The following ASPM variants were observed in gnomAD, a reference collection of about 807,000 sequenced individuals.
ASPM encodes assembly factor for spindle microtubules, also known as abnormal spindle-like microcephaly-associated protein.
ASPM carries 256 observed loss-of-function variants against 366.4 expected under a neutral mutation model. That is an observed-to-expected ratio of 0.70 (90% CI 0.63 to 0.77). ASPM has a LOEUF of 0.77. ASPM is among the 30% of genes least tolerant of loss of function. The pLI, the probability that ASPM is intolerant of heterozygous loss-of-function variation, is 0.00. For missense variants in ASPM, 4,146 were observed against 4,090.4 expected (o/e 1.01, Z -0.37); for synonymous variants, 1,414 against 1,342.9 (o/e 1.05, Z -1.16).
At chr1:197,138,629 C>T in intron 4 of ASPM, 1 of 478,472 alleles carries the variant, frequency 2.1e-6, no homozygotes, top group Non-Finnish European at 3.8e-6. Context: ...GGAAAATATA[C>T]AATAAGCAAG....
chr1:197,130,010 G>A lies in ASPM; in HGVS notation c.2534C>T (p.Thr845Ile). Residue 845 changes from threonine (T) to isoleucine (I), a missense_variant, in exon 8 of 28, where the codon ACA becomes ATA. By Grantham distance (89) the Thr-to-Ile change is moderately conservative (BLOSUM62 -1). Coordinates refer to ENST00000367409, the MANE Select transcript of ASPM (RefSeq NM_018136.5). The stretch of plus-strand genomic sequence containing the variant: ...ATTCAGAATAAACATAGCCAACCCT[G>A]TGACATCACTGTTATCTTCCAAAGA... ...LISLEDNSDV[T>I]GLAMFILNRL... The A allele has an allele frequency of 6.2e-7, 1 of 1,614,002 alleles. No homozygotes were observed. Among genetic ancestry groups the A allele is most frequent in the East Asian group, 2.2e-5 (1 of 44,852 alleles).
chr1:197,144,698 C>T (rs764711726), intron 1 of ASPM, among the ~76,000 whole-genome samples: 40 of 152,256 alleles, frequency 2.6e-4, no homozygotes, highest in Non-Finnish European at 5.0e-4. Flanking sequence ...GCCAAAGTCA[C>T]GCAGGTACCT....
intron 20 of ASPM, 113 bp from the exon 21 acceptor site, chr1:197,093,374 A>C (rs1000263017): frequency 1.2e-5 from 11 of 883,692 alleles, no homozygotes; most frequent in Non-Finnish European, 2.0e-5. Context: ...TTATAGTCTA[A>C]GAATGCCATG....
intron 17 of ASPM, among the ~76,000 whole-genome samples, chr1:197,116,513 C>T (rs1228042366): frequency 2.0e-5 from 3 of 152,178 alleles, no homozygotes; most frequent in East Asian, 3.9e-4. Context: ...ACCTTCAGTT[C>T]GTAAAACACT....
At chr1:197,124,366 T>G (rs369438305) in intron 12 of ASPM, 35 bp from the exon 13 acceptor site, 68 of 1,355,940 alleles carry the variant, frequency 5.0e-5, no homozygotes, top group Non-Finnish European at 6.6e-5. Context: ...AATACCTTCA[T>G]ATTTTCCATA....
Position 197,088,243 on chromosome 1 carries a change from G to T in ASPM, c.10161+13C>A. The T allele has an allele frequency of 6.2e-7, 1 of 1,610,664 alleles. No individual in the cohort carries two copies. Among genetic ancestry groups the T allele is most frequent in the Non-Finnish European group, 8.5e-7 (1 of 1,177,656 alleles). On this transcript the variant is annotated intron_variant, in intron 26 of 27. Coordinates refer to ENST00000367409, the MANE Select transcript of ASPM (RefSeq NM_018136.5). ...AAAATAATCTTAAAGAAAGGCAACT[G>T]ACTAATACTTACAGAGGCTCTATTT...
At position 197,118,124 on chromosome 1, in the gene ASPM, G is replaced by C. The variant is rs1417991537; in HGVS notation, c.3871-141C>G. ...CCCTACACTTCTTGTGTTCATCTTT[G>C]GAATACTGATAATTCCAGGCATGTC... is the stretch of plus-strand genomic sequence containing the variant. On this transcript the variant is annotated intron_variant, in intron 16 of 27. Coordinates refer to ENST00000367409, the MANE Select transcript of ASPM (RefSeq NM_018136.5). 6.2e-6 allele frequency: 5 copies of C among 807,344 alleles called. No homozygotes were observed. The East Asian group carries it at 1.3e-4, about 21-fold the overall frequency. 50.0% of individuals were successfully genotyped at this position (807,344 alleles called of 1,614,324 possible). A position where few individuals can be genotyped will look rare whatever the true frequency, so the allele number is the denominator to read the frequency against.
chr1:197,129,874 G>C (rs1658208832), intron 8 of ASPM, 41 bp downstream of exon 8: 1 of 1,589,996 alleles, frequency 6.3e-7, no homozygotes, highest in African/African-American at 1.3e-5. Flanking sequence ...AGCCATTCAT[G>C]TATAATGTGG....
At position 197,104,422 on chromosome 1, in the gene ASPM, A is replaced by G; in HGVS notation, c.4829T>C (p.Val1610Ala). ...QKYKKMKKAA[V>A]IIQTHFRAYI... ...AGCTCGGAAATGAGTCTGAATTATA[A>G]CAGCTGCTTTCTTCATCTTCTTATA... Residue 1610 changes from valine (V) to alanine (A), a missense_variant, in exon 18 of 28, where the codon GTT (valine) becomes GCT (alanine). By Grantham distance (64) the Val-to-Ala change is moderately conservative (BLOSUM62 0). This residue lies in a region of ASPM where 3,624 missense variants were observed against 3,591.7 expected (regional missense o/e 1.01). Coordinates refer to ENST00000367409, the MANE Select transcript of ASPM (RefSeq NM_018136.5). 1.2e-6 allele frequency: 2 copies of G among 1,613,042 alleles called. No individual in the cohort carries two copies. Among genetic ancestry groups the G allele is most frequent in the Non-Finnish European group, 1.7e-6 (2 of 1,179,410 alleles).
intron 4 of ASPM, among the ~76,000 whole-genome samples, chr1:197,135,623 C>CT (rs778898963): frequency 0.037 from 2,597 of 69,528 alleles, 39 homozygotes; most frequent in Non-Finnish European, 0.044. Flanking sequence ...AAATATCTGT[C>CT]TTTTTTTTTT....
rs761570995 is a variant in ASPM, at chr1:197,102,530, G to A, written c.6721C>T (p.His2241Tyr). Residue 2241 changes from histidine to tyrosine, a missense_variant, in exon 18 of 28, where the codon CAT becomes TAT. By Grantham distance (83) the His-to-Tyr change is moderately conservative. Transcript: ENST00000367409. ...ATAGCCTGAATGTATATTACAGAAT[G>A]CCTCAGTTTGTTATACCTTTGAAAT... ...IQFQRYNKLRHSVIYIQAIFR... is the reference protein window; with the variant it reads ...IQFQRYNKLRYSVIYIQAIFR... The A allele has an allele frequency of 3.1e-6, 5 of 1,612,472 alleles. No individual in the cohort carries two copies. The highest frequency in any genetic ancestry group is 3.4e-6 in the Non-Finnish European group (4 of 1,179,186).
chr1:197,142,673 C>G lies in ASPM; in HGVS notation c.1579G>C (p.Glu527Gln), dbSNP rs376058344. Residue 527 changes from glutamate (E) to glutamine (Q), a missense_variant, in exon 3 of 28, where the codon GAA (glutamate) becomes CAA (glutamine). By Grantham distance (29) the Glu-to-Gln change is conservative. This residue lies in a region of ASPM where 3,624 missense variants were observed against 3,591.7 expected (regional missense o/e 1.01). Transcript: ENST00000367409. ...TGATTATTTATTACTTTTTCATGTT[C>G]ACCCACTGCACTGTTGAGACATCTT... ...AKRCLNSAVGEHEKVINNQKE... is the reference protein window; with the variant it reads ...AKRCLNSAVGQHEKVINNQKE... 15 of 1,613,074 alleles carry G rather than the reference C, an allele frequency of 9.3e-6. No individual in the cohort carries two copies. In the African/African-American group the frequency reaches 1.5e-4, roughly 16 times the overall value.
In ASPM at chr1:197,105,129, T is replaced by G; in HGVS notation, c.4122A>C (p.Ser1374=). 1 of 1,608,870 alleles carries G rather than the reference T, an allele frequency of 6.2e-7. No homozygotes were observed. Among genetic ancestry groups the G allele is most frequent in the Middle Eastern group, 1.7e-4 (1 of 6,042 alleles). ...TTCTTATCCTAGATTGCAGGATGATTGAATAATATTTCAATTTCAGAAATC... is the reference window on the plus strand; with the variant it reads ...TTCTTATCCTAGATTGCAGGATGATGGAATAATATTTCAATTTCAGAAATC... ...RQRFLKLKYY[S]IILQSRIRMI... Residue 1374 remains serine (S), a synonymous_variant, in exon 18 of 28, where the codon TCA becomes TCC. Transcript: ENST00000367409.
rs772484224 is a variant in ASPM at position 197,094,194 on chromosome 1, A to G, written c.8988-14T>C. The G allele has an allele frequency of 1.3e-6, 2 of 1,527,012 alleles. No homozygotes were observed. The highest frequency in any genetic ancestry group is 3.4e-5 in the Admixed American group (2 of 58,848). The allele number at this position is 1,527,012 out of a possible 1,614,324, so 94.6% of individuals were successfully genotyped here. ...ACATTCAAAAACCTAAAAAGTAGTTATTGGAAAGCAATGTCAAATTACTTT... is the reference window on the plus strand; with the variant it reads ...ACATTCAAAAACCTAAAAAGTAGTTGTTGGAAAGCAATGTCAAATTACTTT... On this transcript the variant is annotated splice_polypyrimidine_tract_variant and intron_variant, in intron 19 of 27. Coordinates refer to ENST00000367409, the MANE Select transcript of ASPM (RefSeq NM_018136.5).
chr1:197,119,996 GAA>G (rs1657856332), intron 16 of ASPM, among the ~76,000 whole-genome samples: 1 of 152,028 alleles, frequency 6.6e-6, no homozygotes, highest in Admixed American at 6.6e-5. Flanking sequence ...ATAGAAAACG[GAA>G]AGATATAATT....
At chr1:197,129,095 A>G (rs986414613) in intron 9 of ASPM, 92 bp downstream of exon 9, 1 of 1,461,654 alleles carries the variant, frequency 6.8e-7, no homozygotes, top group African/African-American at 1.4e-5. Context: ...TTGGAAAACT[A>G]ATTTTTTTTC....
At position 197,143,321 on chromosome 1, in the gene ASPM, T is replaced by A; in HGVS notation, c.931A>T (p.Ser311Cys). The change falls in exon 3 of 28, where the codon AGC becomes TGC. Residue 311 changes from serine (S) to cysteine (C), a missense_variant. By Grantham distance (112) the Ser-to-Cys change is moderately radical. This residue lies in a region of ASPM where 512 missense variants were observed against 471.7 expected (regional missense o/e 1.09). Coordinates refer to ENST00000367409, the MANE Select transcript of ASPM (RefSeq NM_018136.5). The part of the protein sequence containing the change: ...NCSSTLNITQ[S>C]QIHFLSPDSF... Reference sequence around the variant, plus strand: ...TCTGGACTTAGAAAATGTATTTGGCTTTGTGTAATGTTCAAAGTTGAAGAA... The same window carrying A: ...TCTGGACTTAGAAAATGTATTTGGCATTGTGTAATGTTCAAAGTTGAAGAA... 6.2e-7 allele frequency: 1 copy of A among 1,613,982 alleles called. No homozygotes were observed. The highest frequency in any genetic ancestry group is 2.2e-5 in the East Asian group (1 of 44,862).
At position 197,128,529 on chromosome 1, in the gene ASPM, G is replaced by A. The variant is rs148198333; in HGVS notation, c.2897C>T (p.Thr966Ile). Residue 966 changes from threonine to isoleucine, a missense_variant, in exon 10 of 28, where the codon ACA becomes ATA. Physicochemically the swap from Thr to Ile is moderately conservative, Grantham distance 89 (BLOSUM62 -1). This residue lies in a region of ASPM where 3,624 missense variants were observed against 3,591.7 expected (regional missense o/e 1.01). Coordinates refer to ENST00000367409, the MANE Select transcript of ASPM (RefSeq NM_018136.5). ...ACATTGCAAGTCTACGGCAAGATTTGTAACGGCAAAATCAAATTCATCAAA... is the reference window on the plus strand; with the variant it reads ...ACATTGCAAGTCTACGGCAAGATTTATAACGGCAAAATCAAATTCATCAAA... The part of the protein sequence containing the change: ...TPFDEFDFAV[T>I]NLAVDLQCGV... 6.2e-7 allele frequency: 1 copy of A among 1,613,746 alleles called. No individual in the cohort carries two copies. Among genetic ancestry groups the A allele is most frequent in the Non-Finnish European group, 8.5e-7 (1 of 1,179,836 alleles).
Position 197,120,149 on chromosome 1 carries a change from C to CA in ASPM, c.3870+1765dup, listed in dbSNP as rs150856903. On this transcript the variant is annotated intron_variant, in intron 16 of 27. Coordinates refer to ENST00000367409, the MANE Select transcript of ASPM (RefSeq NM_018136.5). ...TTCAAAAAAACTTCTCTTAATCCTT[C>CA]AAAAAAATGGAAACTTCTATTTGCA... is the stretch of plus-strand genomic sequence containing the variant. Among the ~76,000 whole-genome samples, 1,065 of 151,902 alleles carry CA rather than the reference C, an allele frequency of 7.0e-3. 10 individuals are homozygous for CA. The highest frequency in any genetic ancestry group is 0.023 in the African/African-American group (965 of 41,380).
Sources: allele counts gnomAD v4.1 joint callset (sites outside exome capture counted in the v4.1 genomes callset), GRCh38; gene constraint gnomAD v4.1.1; regional missense constraint gnomAD v4.1.1; transcripts MANE v1.5; gene names NCBI Gene and HGNC (gene_info 2026-07-23, HGNC 2026-07-21).